Variants in TRIM14 observed in about 807,000 individuals in gnomAD.
The protein encoded by TRIM14 is tripartite motif-containing protein 14.
Under a neutral mutation model 44.5 loss-of-function variants are expected in TRIM14, and 28 were observed. That is an observed-to-expected ratio of 0.63 (90% CI 0.47 to 0.86). The LOEUF (loss-of-function observed/expected upper bound fraction) is 0.86, where lower values mean the gene tolerates loss of function less well. TRIM14 is among the 40% of genes least tolerant of loss of function. The probability of loss-of-function intolerance (pLI) is 0.00; values close to 1 mark genes in which losing one functional copy is unlikely to be tolerated. For missense variants in TRIM14, 607 were observed against 611.1 expected, an observed-to-expected ratio of 0.99 and a Z score of 0.07; for synonymous variants, 299 against 269.2, an observed-to-expected ratio of 1.11 and a Z score of -1.08.
chr9:98,066,971 A>C (rs1270213557), downstream of TRIM14, among the ~76,000 whole-genome samples: 1 of 152,076 alleles, frequency 6.6e-6, no homozygotes, highest in African/African-American at 2.4e-5. Flanking sequence ...GTCTCTATAA[A>C]TTTGCCTATT....
the TRIM14 span, among the ~76,000 whole-genome samples, chr9:98,054,667 G>T: frequency 6.6e-6 from 1 of 152,128 alleles, no homozygotes; most frequent in African/African-American, 2.4e-5. Flanking sequence ...TTTCTCTATT[G>T]CAAAGTGTAC....
chr9:98,069,279 T>C (rs914060389), exon 7 of TRIM14: 6 of 149,342 alleles, frequency 4.0e-5, no homozygotes, highest in Non-Finnish European at 8.8e-5. Context: ...GAACTATTTT[T>C]CTTTTTTTTT....
At chr9:98,115,712 T>A (rs1374696523) in intron 1 of TRIM14, among the ~76,000 whole-genome samples, 1 of 152,166 alleles carries the variant, frequency 6.6e-6, no homozygotes, top group Non-Finnish European at 1.5e-5. Flanking sequence ...TTTATGACAA[T>A]ATAGTTATTT....
chr9:98,098,151 A>G lies in TRIM14; in HGVS notation c.537+1780T>C, dbSNP rs113062425. ...TTTTAGTTGTACCCTGCCTTGTCCC[A>G]CAGCCTTTAAAGTGTCTTGTGAAGG... On this transcript the variant is annotated intron_variant, in intron 3 of 5. Coordinates refer to ENST00000341469, the MANE Select transcript of TRIM14 (RefSeq NM_014788.4). Among the ~76,000 whole-genome samples the G allele has an allele frequency of 1.3e-3, 200 of 152,338 alleles. 2 individuals are homozygous for G. Among genetic ancestry groups the G allele is most frequent in the African/African-American group, 4.6e-3 (190 of 41,576 alleles).
downstream of TRIM14, chr9:98,081,073 C>A: frequency 6.2e-7 from 1 of 1,614,138 alleles, no homozygotes; most frequent in Non-Finnish European, 8.5e-7. Flanking sequence ...AGATGGCCTG[C>A]AATGAGAAGG....
intron 6 of TRIM14, among the ~76,000 whole-genome samples, chr9:98,073,744 C>A (rs1829458893): frequency 6.6e-6 from 1 of 152,046 alleles, no homozygotes; most frequent in African/African-American, 2.4e-5. Context: ...AAATGGGGTT[C>A]TGTGGGCACG....
downstream of TRIM14, among the ~76,000 whole-genome samples, chr9:98,082,466 A>C (rs146505310): frequency 6.6e-6 from 1 of 152,322 alleles, no homozygotes; most frequent in Non-Finnish European, 1.5e-5. Flanking sequence ...ATGTATTGAG[A>C]GCATTCTATG....
intron 1 of TRIM14, among the ~76,000 whole-genome samples, chr9:98,114,426 C>T (rs1318593244): frequency 2.0e-5 from 3 of 152,004 alleles, no homozygotes; most frequent in Admixed American, 6.6e-5. Flanking sequence ...CTCCACCTCC[C>T]GGGTTCATGC....
At chr9:98,117,222 A>C (rs1202352644) in intron 1 of TRIM14, among the ~76,000 whole-genome samples, 1 of 152,160 alleles carries the variant, frequency 6.6e-6, no homozygotes, top group Non-Finnish European at 1.5e-5. Flanking sequence ...TGATGTTTTT[A>C]GTTGACTCCC....
the TRIM14 span, among the ~76,000 whole-genome samples, chr9:98,036,588 G>A: frequency 2.0e-5 from 3 of 151,460 alleles, no homozygotes; most frequent in African/African-American, 7.3e-5. Context: ...GATCACCTGA[G>A]GTTAGGAGTT....
chr9:98,076,915 T>G, intron 6 of TRIM14: 1 of 1,608,348 alleles, frequency 6.2e-7, no homozygotes, highest in Non-Finnish European at 8.5e-7. Context: ...TTGATTTTTG[T>G]AGATGGCAGT....
the TRIM14 span, chr9:98,060,705 A>C: frequency 7.8e-7 from 1 of 1,279,090 alleles, no homozygotes; most frequent in Non-Finnish European, 1.1e-6. Context: ...GTGATGTCAT[A>C]GTGGTTGCTC....
At chr9:98,078,669 T>A (rs556946940) in intron 6 of TRIM14, among the ~76,000 whole-genome samples, 15 of 151,838 alleles carry the variant, frequency 9.9e-5, no homozygotes, top group African/African-American at 3.4e-4. Context: ...AACCCCTTCT[T>A]ATTAAAAATA....
downstream of TRIM14, among the ~76,000 whole-genome samples, chr9:98,064,846 G>A (rs563086921): frequency 5.9e-5 from 9 of 152,308 alleles, no homozygotes; most frequent in African/African-American, 1.4e-4. Flanking sequence ...GAGAGTCTCC[G>A]CATGCACCAC....
intron 2 of TRIM14, among the ~76,000 whole-genome samples, chr9:98,106,481 C>T (rs1235760755): frequency 1.3e-5 from 2 of 152,144 alleles, no homozygotes; most frequent in Non-Finnish European, 2.9e-5. Context: ...CCATCTGCCC[C>T]CACATGAGAG....
chr9:98,071,851 C>T (rs1829349590), intron 6 of TRIM14, among the ~76,000 whole-genome samples: 1 of 152,204 alleles, frequency 6.6e-6, no homozygotes, highest in Non-Finnish European at 1.5e-5. Flanking sequence ...ATGCAAGCTC[C>T]CTGAGCTCCT....
intron 2 of TRIM14, among the ~76,000 whole-genome samples, chr9:98,105,222 G>A (rs1009150962): frequency 4.6e-5 from 7 of 152,228 alleles, no homozygotes; most frequent in Non-Finnish European, 8.8e-5. Flanking sequence ...AGCAACTGAG[G>A]CTCCTTATTC....
At chr9:98,037,352 C>T in the TRIM14 span, among the ~76,000 whole-genome samples, 28 of 151,952 alleles carry the variant, frequency 1.8e-4, no homozygotes, top group African/African-American at 6.8e-4. Flanking sequence ...CACTCCAGTC[C>T]GGGCGACAGA....
In TRIM14 at chr9:98,100,680, T is replaced by A. The variant is rs557985564; in HGVS notation, c.304-516A>T. 2.0e-5 allele frequency among the ~76,000 whole-genome samples: 3 copies of A among 152,298 alleles called. No individual in the cohort carries two copies. The East Asian group carries it at 5.8e-4, about 29-fold the overall frequency. ...TCTACAGGATCTAAAACCATGTGGC[T>A]CAAGCATAGATAAGAGGTCAAAAGT... On this transcript the variant is annotated intron_variant, in intron 2 of 5. Coordinates refer to ENST00000341469, the MANE Select transcript of TRIM14 (RefSeq NM_014788.4).
Sources: gnomAD v4.1 joint callset for allele counts (sites outside exome capture counted in the v4.1 genomes callset) on GRCh38, gnomAD v4.1.1 for gene constraint, MANE v1.5 for transcripts, NCBI Gene and HGNC (gene_info 2026-07-23, HGNC 2026-07-21) for gene names.